CNTN4: variants seen among roughly 807,000 people sequenced by gnomAD.
CNTN4 encodes the protein contactin 4, also known as contactin-4.
Under a neutral mutation model 122.5 loss-of-function variants are expected in CNTN4, and 77 were observed. The observed-to-expected ratio is 0.63, with a 90% CI of 0.52 to 0.76. The LOEUF is 0.76. CNTN4 is among the 30% of genes least tolerant of loss of function. The probability of loss-of-function intolerance (pLI) is 0.00; values close to 1 mark genes in which losing one functional copy is unlikely to be tolerated. For synonymous variants in CNTN4, 512 were observed against 447.0 expected, an observed-to-expected ratio of 1.15 and a Z score of -1.83; for missense variants, 1,256 against 1,259.1, an observed-to-expected ratio of 1.00 and a Z score of 0.04.
At chr3:2,274,611 T>C (rs1409291368) in intron 2 of CNTN4, among the ~76,000 whole-genome samples, 1 of 152,138 alleles carries the variant, frequency 6.6e-6, no homozygotes, top group African/African-American at 2.4e-5. Context: ...TTATTAAAGC[T>C]GTCTCCAATG....
chr3:2,218,751 C>A (rs1279372064), intron 2 of CNTN4, among the ~76,000 whole-genome samples: 1 of 152,140 alleles, frequency 6.6e-6, no homozygotes, highest in Non-Finnish European at 1.5e-5. Flanking sequence ...GGATTGATTC[C>A]AGCCTACAAT....
chr3:2,258,899 A>G (rs1336624885), intron 2 of CNTN4, among the ~76,000 whole-genome samples: 4 of 152,160 alleles, frequency 2.6e-5, no homozygotes, highest in African/African-American at 7.2e-5. Context: ...TCAGGCACTT[A>G]GAGAACTGTG....
At chr3:2,471,082 A>G (rs929431377) in intron 3 of CNTN4, among the ~76,000 whole-genome samples, 3 of 152,216 alleles carry the variant, frequency 2.0e-5, no homozygotes, top group Non-Finnish European at 4.4e-5. Context: ...ATAGGAATTC[A>G]TAGGAGGGAC....
intron 3 of CNTN4, among the ~76,000 whole-genome samples, chr3:2,483,833 C>T (rs780596189): frequency 6.6e-6 from 1 of 152,134 alleles, no homozygotes; most frequent in Admixed American, 6.5e-5. Flanking sequence ...AATACCCAGT[C>T]TCAGGTATTT....
At chr3:2,309,423 T>G (rs1246891914) in intron 2 of CNTN4, among the ~76,000 whole-genome samples, 1 of 152,206 alleles carries the variant, frequency 6.6e-6, no homozygotes, top group Non-Finnish European at 1.5e-5. Context: ...AATATCTACC[T>G]TTTAATTACA....
At chr3:2,188,681 A>G (rs1454651973) in intron 2 of CNTN4, among the ~76,000 whole-genome samples, 1 of 152,128 alleles carries the variant, frequency 6.6e-6, no homozygotes, top group Admixed American at 6.5e-5. Flanking sequence ...TGTGAACCAG[A>G]CAGAAAGGCA....
At chr3:2,981,315 G>A (rs191941940) in intron 13 of CNTN4, among the ~76,000 whole-genome samples, 5,875 of 151,704 alleles carry the variant, frequency 0.039, 331 homozygotes, top group African/African-American at 0.11. Context: ...GTGGTGGCGG[G>A]CGCCTGTAGT....
chr3:2,869,573 C>T (rs1198709875), intron 8 of CNTN4, among the ~76,000 whole-genome samples: 2 of 152,166 alleles, frequency 1.3e-5, no homozygotes, highest in Non-Finnish European at 2.9e-5. Context: ...AAACCAAATA[C>T]ATAACTTCTC....
In CNTN4 at chr3:2,225,109, C is replaced by G. The variant is rs866126222; in HGVS notation, c.-144-114069C>G. Among the ~76,000 whole-genome samples, 6 of 151,176 alleles carry G rather than the reference C, an allele frequency of 4.0e-5. No homozygotes were observed. The South Asian group carries it at 8.4e-4, about 21-fold the overall frequency. ...AGCTTGCAAGTGAGCCGAGATCGCA[C>G]CACTGCACTCCAGCCTGGGCGACAG... On this transcript the variant is annotated intron_variant, in intron 2 of 24. Coordinates refer to ENST00000418658, the MANE Select transcript of CNTN4 (RefSeq NM_175607.3).
intron 6 of CNTN4, among the ~76,000 whole-genome samples, chr3:2,812,356 A>G (rs1046960371): frequency 2.0e-5 from 3 of 152,142 alleles, no homozygotes; most frequent in Admixed American, 2.0e-4. Context: ...TCAGACCAGA[A>G]GATTATAGGA....
At chr3:2,836,771 TG>T (rs1284795039) in intron 7 of CNTN4, among the ~76,000 whole-genome samples, 1 of 14,138 alleles carries the variant, frequency 7.1e-5, no homozygotes, top group Non-Finnish European at 1.5e-4. Flanking sequence ...ACTTCTGGGG[TG>T]GGGGGCTGGG....
intron 2 of CNTN4, among the ~76,000 whole-genome samples, chr3:2,222,966 C>T (rs796309153): frequency 1.1e-4 from 16 of 152,210 alleles, no homozygotes; most frequent in African/African-American, 3.6e-4. Flanking sequence ...CAGAAGCCCA[C>T]CACGATGACT....
At chr3:2,600,325 T>C (rs144579553) in intron 4 of CNTN4, among the ~76,000 whole-genome samples, 1 of 152,172 alleles carries the variant, frequency 6.6e-6, no homozygotes, top group East Asian at 1.9e-4. Flanking sequence ...TTACATTAGG[T>C]ATGTCTCCTA....
At chr3:2,647,239 G>C (rs1277740464) in intron 4 of CNTN4, among the ~76,000 whole-genome samples, 1 of 152,048 alleles carries the variant, frequency 6.6e-6, no homozygotes, top group Non-Finnish European at 1.5e-5. Flanking sequence ...AAATTAGCCA[G>C]GCATGGTTGT....
intron 3 of CNTN4, among the ~76,000 whole-genome samples, chr3:2,349,240 G>A (rs1014242418): frequency 2.0e-5 from 3 of 148,196 alleles, no homozygotes; most frequent in Non-Finnish European, 4.6e-5. Context: ...GCTTGTTGAC[G>A]TATTTTTTTT....
Position 3,055,703 on chromosome 3 carries a change from G to A in CNTN4, c.2981-417G>A, listed in dbSNP as rs373281510. On this transcript the variant is annotated intron_variant, in intron 24 of 24. Transcript: ENST00000418658. ...CGCAAATTACCGCCATCTGTTAAGCGAGGTAATAATAATACCTGGCCTTCA... is the reference window on the plus strand; with the variant it reads ...CGCAAATTACCGCCATCTGTTAAGCAAGGTAATAATAATACCTGGCCTTCA... 2.4e-4 allele frequency among the ~76,000 whole-genome samples: 37 copies of A among 152,262 alleles called. No individual in the cohort carries two copies. The South Asian group carries it at 3.3e-3, about 14-fold the overall frequency.
chr3:2,844,375 G>T (rs1376333858), intron 7 of CNTN4, among the ~76,000 whole-genome samples: 2 of 152,192 alleles, frequency 1.3e-5, no homozygotes, highest in Non-Finnish European at 2.9e-5. Flanking sequence ...GATATATTGT[G>T]CAGTAGAACT....
At chr3:2,374,903 T>G (rs980341555) in intron 3 of CNTN4, among the ~76,000 whole-genome samples, 1 of 152,198 alleles carries the variant, frequency 6.6e-6, no homozygotes, top group Non-Finnish European at 1.5e-5. Flanking sequence ...GATGAATGAC[T>G]TTCCCAAAAT....
intron 2 of CNTN4, among the ~76,000 whole-genome samples, chr3:2,245,962 A>G (rs1265356375): frequency 2.0e-5 from 3 of 151,972 alleles, no homozygotes; most frequent in Non-Finnish European, 4.4e-5. Flanking sequence ...ACACAGAGAG[A>G]TACATCTGTG....
Sources: gnomAD v4.1 joint callset for allele counts (sites outside exome capture counted in the v4.1 genomes callset) on GRCh38, gnomAD v4.1.1 for gene constraint, MANE v1.5 for transcripts, NCBI Gene and HGNC (gene_info 2026-07-23, HGNC 2026-07-21) for gene names.